Variants in PRKCA observed in about 807,000 individuals in gnomAD.
PRKCA encodes protein kinase C alpha.
Under a neutral mutation model 87.0 loss-of-function variants are expected in PRKCA, and 27 were observed. The observed-to-expected ratio is 0.31, with a 90% CI of 0.23 to 0.43. The LOEUF (loss-of-function observed/expected upper bound fraction) is 0.43, where lower values mean the gene tolerates loss of function less well. Ranked by LOEUF, PRKCA falls within the 20% of genes least tolerant of loss-of-function variation. The probability of loss-of-function intolerance (pLI) is 1.00; values close to 1 mark genes in which losing one functional copy is unlikely to be tolerated. For synonymous variants in PRKCA, 329 were observed against 311.1 expected (o/e 1.06, Z -0.61); for missense variants, 518 against 852.3 (o/e 0.61, Z 4.88).
chr17:66,319,189 CTAATG>C (rs1175673005), intron 2 of PRKCA, among the ~76,000 whole-genome samples: 1 of 152,060 alleles, frequency 6.6e-6, no homozygotes, highest in Admixed American at 6.6e-5. Context: ...TGCCATGAAT[CTAATG>C]AAATGTTGTG....
intron 5 of PRKCA, among the ~76,000 whole-genome samples, chr17:66,678,967 C>T (rs1972413943): frequency 2.0e-5 from 3 of 152,134 alleles, no homozygotes; most frequent in Admixed American, 1.3e-4. Context: ...ACCCACAAAG[C>T]ACCATTTCCT....
intron 3 of PRKCA, among the ~76,000 whole-genome samples, chr17:66,616,285 C>T (rs527681291): frequency 6.6e-6 from 1 of 152,288 alleles, no homozygotes; most frequent in South Asian, 2.1e-4. Context: ...CCCCCACTCT[C>T]GCCTTATAAT....
At chr17:66,401,218 A>G (rs1267111401) in intron 2 of PRKCA, among the ~76,000 whole-genome samples, 1 of 152,152 alleles carries the variant, frequency 6.6e-6, no homozygotes, top group Non-Finnish European at 1.5e-5. Flanking sequence ...CAGGTGAGGG[A>G]TGAGGAAAGG....
At chr17:66,510,825 A>G in intron 3 of PRKCA, among the ~76,000 whole-genome samples, 1 of 152,010 alleles carries the variant, frequency 6.6e-6, no homozygotes, top group East Asian at 1.9e-4. Flanking sequence ...GGCTCACTGC[A>G]ACATCAACCT....
intron 5 of PRKCA, among the ~76,000 whole-genome samples, chr17:66,670,328 A>G (rs1180948769): frequency 6.6e-6 from 1 of 152,250 alleles, no homozygotes; most frequent in Non-Finnish European, 1.5e-5. Context: ...TGTAACTCAT[A>G]TAAAAATTAT....
At chr17:66,529,492 A>G (rs77848873) in intron 3 of PRKCA, among the ~76,000 whole-genome samples, 3,164 of 152,290 alleles carry the variant, frequency 0.021, 50 homozygotes, top group South Asian at 0.035. Flanking sequence ...CGGGCCATCA[A>G]GCTTCCTTCC....
At chr17:66,758,476 G>A (rs1974607827) in intron 13 of PRKCA, among the ~76,000 whole-genome samples, 1 of 152,208 alleles carries the variant, frequency 6.6e-6, no homozygotes. Flanking sequence ...ATGGTCCCCA[G>A]TTTCTCATCT....
intron 5 of PRKCA, among the ~76,000 whole-genome samples, chr17:66,685,042 G>A (rs970586649): frequency 5.9e-5 from 9 of 152,076 alleles, no homozygotes; most frequent in African/African-American, 2.2e-4. Flanking sequence ...ACATGAGCTT[G>A]GTGAATTCTC....
intron 3 of PRKCA, among the ~76,000 whole-genome samples, chr17:66,508,070 C>T (rs1320567680): frequency 1.3e-5 from 2 of 152,090 alleles, no homozygotes; most frequent in African/African-American, 4.8e-5. Context: ...TCAAATGAAC[C>T]CACTCACTGT....
chr17:66,357,640 G>A (rs899536647), intron 2 of PRKCA, among the ~76,000 whole-genome samples: 1 of 152,080 alleles, frequency 6.6e-6, no homozygotes, highest in African/African-American at 2.4e-5. Context: ...GAGTTTTCTC[G>A]TTTATAAAAT....
chr17:66,774,228 G>T, intron 14 of PRKCA, 161 bp downstream of exon 14: 4 of 1,490,388 alleles, frequency 2.7e-6, no homozygotes, highest in Non-Finnish European at 3.6e-6. Context: ...CCTTCAAAGT[G>T]GATCACGTTC....
chr17:66,427,352 A>C (rs1309941494), intron 2 of PRKCA, among the ~76,000 whole-genome samples: 2 of 152,158 alleles, frequency 1.3e-5, no homozygotes, highest in African/African-American at 4.8e-5. Flanking sequence ...TTTGTAAATA[A>C]AGTTTTATTG....
chr17:66,505,084 C>T (rs1916915251), intron 3 of PRKCA, among the ~76,000 whole-genome samples: 1 of 152,164 alleles, frequency 6.6e-6, no homozygotes, highest in South Asian at 2.1e-4. Flanking sequence ...ACACACCCAA[C>T]AAAAAAACTC....
intron 3 of PRKCA, among the ~76,000 whole-genome samples, chr17:66,580,675 T>C (rs1251078443): frequency 6.6e-6 from 1 of 152,234 alleles, no homozygotes; most frequent in Non-Finnish European, 1.5e-5. Flanking sequence ...ATTGTCAGTG[T>C]GCGGTAAAGT....
chr17:66,374,719 CTTTTT>C (rs35431248), intron 2 of PRKCA, among the ~76,000 whole-genome samples: 1 of 115,814 alleles, frequency 8.6e-6, no homozygotes, highest in African/African-American at 3.3e-5. Context: ...GAGTTGCATT[CTTTTT>C]TTTTTTTTTT....
chr17:66,532,355 AATTTT>A (rs1967579249), intron 3 of PRKCA, among the ~76,000 whole-genome samples: 1 of 115,180 alleles, frequency 8.7e-6, no homozygotes, highest in South Asian at 3.0e-4. Flanking sequence ...TTCATCCTTG[AATTTT>A]ATTTTATTTT....
At chr17:66,682,520 C>T (rs1366314449) in intron 5 of PRKCA, among the ~76,000 whole-genome samples, 4 of 152,240 alleles carry the variant, frequency 2.6e-5, no homozygotes, top group Non-Finnish European at 5.9e-5. Context: ...CCTGCCAGGG[C>T]CTTGGGCCCA....
chr17:66,554,202 G>C (rs1968426559), intron 3 of PRKCA, among the ~76,000 whole-genome samples: 1 of 149,706 alleles, frequency 6.7e-6, no homozygotes, highest in Non-Finnish European at 1.5e-5. Flanking sequence ...AATTGCTCTA[G>C]ACCAGCTTGG....
At chr17:66,538,632 G>T (rs1458099342) in intron 3 of PRKCA, among the ~76,000 whole-genome samples, 1 of 152,178 alleles carries the variant, frequency 6.6e-6, no homozygotes, top group Non-Finnish European at 1.5e-5. Context: ...GTAATGAGTA[G>T]ACCTGAAGCA....
Sources: allele counts gnomAD v4.1 joint callset (sites outside exome capture counted in the v4.1 genomes callset), GRCh38; gene constraint gnomAD v4.1.1; transcripts MANE v1.5; gene names NCBI Gene and HGNC (gene_info 2026-07-23, HGNC 2026-07-21).